Variants in CCDC6 observed in about 807,000 individuals in gnomAD.
The protein encoded by CCDC6 is coiled-coil domain-containing protein 6.
CCDC6 carries 20 observed loss-of-function variants against 56.6 expected under a neutral mutation model. That is an observed-to-expected ratio of 0.35 (90% CI 0.25 to 0.51). CCDC6 has a LOEUF of 0.51. CCDC6 is among the 20% of genes least tolerant of loss of function. The pLI, the probability that CCDC6 is intolerant of heterozygous loss-of-function variation, is 0.95. For missense variants in CCDC6, 367 were observed against 601.1 expected, an observed-to-expected ratio of 0.61 and a Z score of 4.07; for synonymous variants, 241 against 234.4, an observed-to-expected ratio of 1.03 and a Z score of -0.26.
intron 1 of CCDC6, among the ~76,000 whole-genome samples, chr10:59,901,285 G>A (rs537628218): frequency 3.7e-4 from 56 of 152,004 alleles, no homozygotes; most frequent in African/African-American, 1.3e-3. Context: ...TTCTAAACGG[G>A]GGGAAAAAAG....
At chr10:59,860,489 G>A (rs2071118936) in intron 1 of CCDC6, among the ~76,000 whole-genome samples, 1 of 152,072 alleles carries the variant, frequency 6.6e-6, no homozygotes, top group South Asian at 2.1e-4. Flanking sequence ...GCTGAAGAAG[G>A]GGCCAGGGCT....
intron 1 of CCDC6, among the ~76,000 whole-genome samples, chr10:59,859,428 C>T (rs2071108980): frequency 6.6e-6 from 1 of 152,092 alleles, no homozygotes; most frequent in Admixed American, 6.6e-5. Flanking sequence ...CTTTATAAAA[C>T]ATTTAGAAAA....
Position 59,792,799 on chromosome 10 carries a change from T to C in CCDC6, c.*118A>G, listed in dbSNP as rs1295235449. The C allele has an allele frequency of 1.6e-5, 16 of 1,026,200 alleles. No homozygotes were observed. Among genetic ancestry groups the C allele is most frequent in the African/African-American group, 4.7e-5 (3 of 63,976 alleles). The allele number at this position is 1,026,200 out of a possible 1,614,324, so 63.6% of individuals were successfully genotyped here. On this transcript the variant is annotated 3_prime_UTR_variant, in exon 9 of 9. Transcript: ENST00000263102. ...TTACAACACAATGGATAGTGAAGCCTAGATAACCTCAGTGCAAATAAGTCA... is the reference window on the plus strand; with the variant it reads ...TTACAACACAATGGATAGTGAAGCCCAGATAACCTCAGTGCAAATAAGTCA...
At chr10:59,882,070 C>CG (rs1554887354) in intron 1 of CCDC6, among the ~76,000 whole-genome samples, 228 of 24,254 alleles carry the variant, frequency 9.4e-3, no homozygotes, top group South Asian at 0.013. Flanking sequence ...AAAGGAAAGC[C>CG]GCGGGGAGAA....
intron 1 of CCDC6, among the ~76,000 whole-genome samples, chr10:59,876,876 T>C (rs1208014344): frequency 6.6e-6 from 1 of 152,154 alleles, no homozygotes. Flanking sequence ...GAGACATGCA[T>C]TGTTAGGTGA....
chr10:59,862,556 C>CACAT (rs1341479100), intron 1 of CCDC6, among the ~76,000 whole-genome samples: 16 of 105,674 alleles, frequency 1.5e-4, no homozygotes, highest in African/African-American at 4.3e-4. Context: ...CACACACACA[C>CACAT]ATATATATAC....
In CCDC6 at chr10:59,906,239, G is replaced by A. The variant is rs747951639; in HGVS notation, c.186C>T (p.Arg62=). The change falls in exon 1 of 9, where the codon CGC becomes CGT. Residue 62 remains arginine, a synonymous_variant. Coordinates refer to ENST00000263102, the MANE Select transcript of CCDC6 (RefSeq NM_005436.5). ...TGTTCTCTTGCTGCAGCGAGGCCAG[G>A]CGGTTGGTGAGCTCCTCCAGGCGGA... ...SPFRLEELTN[R]LASLQQENKV... is the part of the protein sequence containing the mutation. The A allele has an allele frequency of 6.2e-7, 1 of 1,613,500 alleles. No individual in the cohort carries two copies. The highest frequency in any genetic ancestry group is 8.5e-7 in the Non-Finnish European group (1 of 1,179,834).
At chr10:59,841,721 G>GACTC (rs2070941220) in intron 2 of CCDC6, among the ~76,000 whole-genome samples, 2 of 151,448 alleles carry the variant, frequency 1.3e-5, no homozygotes, top group South Asian at 4.2e-4. Flanking sequence ...AGGCTGGAGT[G>GACTC]CGTTGGCGTG....
chr10:59,904,527 C>A lies in CCDC6; in HGVS notation c.303+1595G>T, dbSNP rs560399042. Among the ~76,000 whole-genome samples the A allele has an allele frequency of 8.5e-4, 130 of 152,302 alleles. 1 individual carries two copies. The highest frequency in any genetic ancestry group is 1.0e-3 in the Non-Finnish European group (68 of 68,038). On this transcript the variant is annotated intron_variant, in intron 1 of 8. Transcript: ENST00000263102. ...TAACCCTCTCATTTACTAACTCAAA[C>A]CTTAAACTGCCTCCAACAACTTCCC...
chr10:59,857,752 T>TC (rs1259839017), intron 1 of CCDC6, among the ~76,000 whole-genome samples: 3 of 152,104 alleles, frequency 2.0e-5, no homozygotes, highest in Non-Finnish European at 4.4e-5. Flanking sequence ...AACTAAGACA[T>TC]CCTGAAGCTT....
At chr10:59,873,433 A>C (rs1406208418) in intron 1 of CCDC6, among the ~76,000 whole-genome samples, 1 of 152,166 alleles carries the variant, frequency 6.6e-6, no homozygotes, top group Non-Finnish European at 1.5e-5. Context: ...GAGATACTAG[A>C]AACTAGAAGA....
At chr10:59,832,741 G>C (rs2070844864) in intron 2 of CCDC6, 88 bp from the exon 3 acceptor site, 1 of 1,401,130 alleles carries the variant, frequency 7.1e-7, no homozygotes, top group Non-Finnish European at 9.8e-7. Context: ...ATACAAAGAA[G>C]CTATACCACA....
At chr10:59,820,815 AC>A (rs2070744108) in intron 3 of CCDC6, among the ~76,000 whole-genome samples, 3 of 151,818 alleles carry the variant, frequency 2.0e-5, no homozygotes, top group African/African-American at 7.3e-5. Context: ...ATAGCAGAAT[AC>A]TTTAACAGCC....
intron 1 of CCDC6, among the ~76,000 whole-genome samples, chr10:59,872,004 G>A (rs1321254065): frequency 1.3e-5 from 2 of 152,172 alleles, no homozygotes; most frequent in African/African-American, 4.8e-5. Context: ...AAAATAAGGA[G>A]CCAATTATTA....
chr10:59,809,318 T>A (rs2393572), intron 5 of CCDC6, among the ~76,000 whole-genome samples: 3 of 151,986 alleles, frequency 2.0e-5, no homozygotes, highest in Non-Finnish European at 4.4e-5. Flanking sequence ...TCAGAGAACA[T>A]TGTCTTTCAA....
chr10:59,850,684 G>A (rs967195888), intron 2 of CCDC6, among the ~76,000 whole-genome samples: 2 of 149,390 alleles, frequency 1.3e-5, no homozygotes, highest in Non-Finnish European at 3.0e-5. Context: ...ATTTTTCCAA[G>A]TTTTTAGTCT....
At chr10:59,798,721 G>A (rs535876761) in intron 7 of CCDC6, among the ~76,000 whole-genome samples, 6 of 152,274 alleles carry the variant, frequency 3.9e-5, no homozygotes, top group African/African-American at 1.2e-4. Context: ...TGGGCTGGAC[G>A]TGGTGGCTCA....
intron 1 of CCDC6, among the ~76,000 whole-genome samples, chr10:59,862,360 C>T (rs754816874): frequency 7.9e-5 from 12 of 151,364 alleles, no homozygotes; most frequent in Non-Finnish European, 1.6e-4. Context: ...CGGTGGTGAA[C>T]GCCTGTAGTC....
intron 1 of CCDC6, among the ~76,000 whole-genome samples, chr10:59,877,001 T>A (rs1412832171): frequency 6.6e-6 from 1 of 152,222 alleles, no homozygotes; most frequent in African/African-American, 2.4e-5. Flanking sequence ...CAGCACGTTA[T>A]TATACTGAAT....
Sources: allele counts gnomAD v4.1 joint callset (sites outside exome capture counted in the v4.1 genomes callset), GRCh38; gene constraint gnomAD v4.1.1; transcripts MANE v1.5; gene names NCBI Gene and HGNC (gene_info 2026-07-23, HGNC 2026-07-21).